Variants in POLR3A observed in about 807,000 individuals in gnomAD.
The protein encoded by POLR3A is RNA polymerase III subunit A, also known as DNA-directed RNA polymerase III subunit RPC1.
POLR3A carries 112 observed loss-of-function variants against 152.8 expected under a neutral mutation model. The ratio of observed to expected loss-of-function variants is 0.73; its 90% CI spans 0.63 to 0.86. The LOEUF (loss-of-function observed/expected upper bound fraction) is 0.86. POLR3A is among the 40% of genes least tolerant of loss of function. POLR3A has a pLI of 0.00. For missense variants in POLR3A, 1,385 were observed against 1,743.1 expected (o/e 0.79, Z 3.66); for synonymous variants, 615 against 652.1 (o/e 0.94, Z 0.87).
intron 18 of POLR3A, 124 bp from the exon 19 acceptor site, chr10:78,000,242 C>T (rs1564617680): frequency 4.9e-6 from 4 of 816,232 alleles, no homozygotes; most frequent in Admixed American, 4.1e-5. Context: ...TATATTCTCA[C>T]TAAATGGCAG....
chr10:77,985,436 G>T, intron 23 of POLR3A, 96 bp from the exon 24 acceptor site: 2 of 944,238 alleles, frequency 2.1e-6, no homozygotes, highest in Non-Finnish European at 3.5e-6. Context: ...TTTCAACAGA[G>T]AATATAGATG....
intron 29 of POLR3A, 56 bp from the exon 30 acceptor site, chr10:77,980,329 A>C: frequency 6.3e-7 from 1 of 1,578,090 alleles, no homozygotes; most frequent in Non-Finnish European, 8.7e-7. Flanking sequence ...AAAAGCTCGA[A>C]ACCAAAGCAC....
intron 28 of POLR3A, among the ~76,000 whole-genome samples, chr10:77,981,868 C>CAAAAAAAA (rs60259976): frequency 3.1e-5 from 2 of 63,836 alleles, no homozygotes; most frequent in Non-Finnish European, 5.9e-5. Context: ...ACTAAAAATA[C>CAAAAAAAA]AAAAAAAAAA....
intron 26 of POLR3A, among the ~76,000 whole-genome samples, chr10:77,983,195 C>T (rs774586685): frequency 3.2e-4 from 49 of 152,144 alleles, no homozygotes; most frequent in African/African-American, 1.1e-3. Context: ...TCATGTGCTA[C>T]GTTCCTGGAT....
chr10:78,004,963 G>C lies in POLR3A; in HGVS notation c.2075-75C>G, dbSNP rs1403754259. The C allele has an allele frequency of 7.9e-6, 9 of 1,136,856 alleles. No individual in the cohort carries two copies. In the East Asian group the frequency reaches 1.9e-4, roughly 24 times the overall value. 70.4% of individuals were successfully genotyped at this position (1,136,856 alleles called of 1,614,324 possible). The stretch of plus-strand genomic sequence containing the variant: ...AACCTACTAAATACAGTTTATGCCT[G>C]CTAGATATAGTTTGTACTATATATA... On this transcript the variant is annotated intron_variant, in intron 15 of 30. Transcript: ENST00000372371.
In POLR3A at chr10:77,984,275, A is replaced by T; in HGVS notation, c.3266T>A (p.Leu1089Gln). 1 of 1,612,634 alleles carries T rather than the reference A, an allele frequency of 6.2e-7. No homozygotes were observed. The highest frequency in any genetic ancestry group is 8.5e-7 in the Non-Finnish European group (1 of 1,178,836). The change falls in exon 25 of 31, where the codon CTA becomes CAA. Residue 1089 changes from leucine (L) to glutamine (Q), a missense_variant. Leu to Gln is a moderately radical substitution (Grantham distance 113). Transcript: ENST00000372371. Reference protein sequence around the residue: ...AISTPIITAQLDKDDDADYAR... With the variant: ...AISTPIITAQQDKDDDADYAR... Reference sequence around the variant, plus strand: ...ATAATCCGCGTCGTCATCCTTGTCTAGCTGTGCTGTGATAATTGGAGTGCT... The same window carrying T: ...ATAATCCGCGTCGTCATCCTTGTCTTGCTGTGCTGTGATAATTGGAGTGCT...
chr10:77,983,736 T>C (rs1354230697), intron 26 of POLR3A, among the ~76,000 whole-genome samples, 184 bp downstream of exon 26: 1 of 152,186 alleles, frequency 6.6e-6, no homozygotes, highest in East Asian at 1.9e-4. Context: ...TAGATGGGTA[T>C]ATTTGTATCA....
chr10:77,993,891 G>A (rs185530061), intron 19 of POLR3A, among the ~76,000 whole-genome samples: 8 of 152,170 alleles, frequency 5.3e-5, no homozygotes, highest in African/African-American at 1.4e-4. Flanking sequence ...AGGGAGAACC[G>A]TCCACCAGCT....
Position 77,981,538 on chromosome 10 carries a change from C to T in POLR3A, c.3781G>A (p.Glu1261Lys), listed in dbSNP as rs371703979. ...TTGATGATCGTTGTCCGGGCGGCCT[C>T]GATGCCCAGAGTTTTCTCCACCTAC... ...TYEVEKTLGI[E>K]AARTTIINEI... is the part of the protein sequence containing the mutation. The change falls in exon 29 of 31, where the codon GAG becomes AAG. Residue 1261 changes from glutamate to lysine, a missense_variant. Glu to Lys is a moderately conservative substitution (Grantham distance 56). Coordinates refer to ENST00000372371, the MANE Select transcript of POLR3A (RefSeq NM_007055.4). 1.5e-5 allele frequency: 25 copies of T among 1,613,864 alleles called. No homozygotes were observed. The highest frequency in any genetic ancestry group is 2.7e-5 in the African/African-American group (2 of 74,888).
chr10:78,023,278 T>A (rs777011442), intron 5 of POLR3A, among the ~76,000 whole-genome samples: 5 of 150,490 alleles, frequency 3.3e-5, no homozygotes, highest in African/African-American at 4.9e-5. Context: ...CTGGTCAACA[T>A]AGTAAAACCC....
chr10:77,991,532 C>G (rs1407693208), intron 20 of POLR3A, among the ~76,000 whole-genome samples: 4 of 151,952 alleles, frequency 2.6e-5, no homozygotes, highest in Admixed American at 6.6e-5. Flanking sequence ...ATAAATTTCT[C>G]TTTTTTTTGA....
chr10:78,013,532 A>T (rs1847486642), intron 11 of POLR3A, 118 bp downstream of exon 11: 2 of 1,056,058 alleles, frequency 1.9e-6, no homozygotes, highest in Non-Finnish European at 3.0e-6. Context: ...TCGGTTTAAG[A>T]ACAGAAAGAG....
chr10:78,002,644 G>T (rs752831867), intron 16 of POLR3A, among the ~76,000 whole-genome samples: 1 of 152,076 alleles, frequency 6.6e-6, no homozygotes, highest in Non-Finnish European at 1.5e-5. Flanking sequence ...TGATCCTCCT[G>T]CCCCAGACCC....
In POLR3A at chr10:78,004,408, C is replaced by T. The variant is rs111568015; in HGVS notation, c.2247+308G>A. On this transcript the variant is annotated intron_variant, in intron 16 of 30. Transcript: ENST00000372371. Reference sequence around the variant, plus strand: ...TGTGCCACCAGAACAAGAGCAGCCTCGTGTGGCCGAATGAACAGATGGCTA... The same window carrying T: ...TGTGCCACCAGAACAAGAGCAGCCTTGTGTGGCCGAATGAACAGATGGCTA... Among the ~76,000 whole-genome samples the T allele has an allele frequency of 5.4e-3, 815 of 152,232 alleles. 3 individuals carry two copies. Among genetic ancestry groups the T allele is most frequent in the African/African-American group, 0.018 (767 of 41,546 alleles).
intron 15 of POLR3A, among the ~76,000 whole-genome samples, chr10:78,006,395 CAAAAAAAAAAA>C (rs36050560): frequency 5.5e-4 from 12 of 21,936 alleles, no homozygotes; most frequent in Non-Finnish European, 1.5e-3. Context: ...GACTCTGTCT[CAAAAAAAAAAA>C]AAAAAAAAAA....
At chr10:77,982,473 C>A (rs562648065) in intron 27 of POLR3A, among the ~76,000 whole-genome samples, 155 bp from the exon 28 acceptor site, 1 of 152,232 alleles carries the variant, frequency 6.6e-6, no homozygotes, top group Admixed American at 6.5e-5. Flanking sequence ...GGGGACTGCA[C>A]CTCATCCTAA....
rs12255950 is a variant in POLR3A at position 78,013,656 on chromosome 10, C to A, written c.1566G>T (p.Leu522=). The change falls in exon 11 of 31, where the codon CTG becomes CTT. Residue 522 remains leucine, a synonymous_variant. Transcript: ENST00000372371. Reference sequence around the variant, plus strand: ...GCTGTGCCACCCTACATACCCCCATCAGAACAAGGGCCTCTGCTTTAGCTT... The same window carrying A: ...GCTGTGCCACCCTACATACCCCCATAAGAACAAGGGCCTCTGCTTTAGCTT... ...TEEAKAEALV[L]MGTKANLVTP... is the part of the protein sequence containing the mutation. 1.9e-3 allele frequency: 3,068 copies of A among 1,614,044 alleles called. 55 individuals carry two copies. In the African/African-American group the frequency reaches 0.034, roughly 18 times the overall value.
chr10:77,995,157 G>A lies in POLR3A; in HGVS notation c.2617-1790C>T, dbSNP rs1478003137. The stretch of plus-strand genomic sequence containing the variant: ...GGCCTGCCCTAAAAGAGCTCCTGAA[G>A]GAAGCACTAAACATGGAAAGGAATA... On this transcript the variant is annotated intron_variant, in intron 19 of 30. Transcript: ENST00000372371. Among the ~76,000 whole-genome samples, 6 of 152,232 alleles carry A rather than the reference G, an allele frequency of 3.9e-5. No homozygotes were observed. In the East Asian group the frequency reaches 9.6e-4, roughly 24 times the overall value.
intron 19 of POLR3A, among the ~76,000 whole-genome samples, chr10:77,998,439 A>G (rs1847323796): frequency 6.6e-6 from 1 of 152,198 alleles, no homozygotes; most frequent in African/African-American, 2.4e-5. Context: ...TCTACAATGA[A>G]CTCAAACAAA....
Sources: gnomAD v4.1 joint callset for allele counts (sites outside exome capture counted in the v4.1 genomes callset) on GRCh38, gnomAD v4.1.1 for gene constraint, MANE v1.5 for transcripts, NCBI Gene and HGNC (gene_info 2026-07-23, HGNC 2026-07-21) for gene names.